PATJ: variants seen among roughly 807,000 people sequenced by gnomAD.
PATJ encodes the protein inaD-like protein.
PATJ carries 190 observed loss-of-function variants against 224.9 expected under a neutral mutation model. The observed-to-expected ratio is 0.84, with a 90% CI of 0.75 to 0.95. PATJ has a LOEUF of 0.95. PATJ is among the 40% of genes least tolerant of loss of function. The pLI is 0.00. For synonymous variants in PATJ, 769 were observed against 820.3 expected (o/e 0.94, Z 1.07); for missense variants, 2,121 against 2,270.3 (o/e 0.93, Z 1.34).
intron 14 of PATJ, among the ~76,000 whole-genome samples, chr1:61,812,876 C>T (rs745743986): frequency 2.0e-5 from 3 of 151,886 alleles, no homozygotes; most frequent in Non-Finnish European, 2.9e-5. Context: ...CACAGCCTCC[C>T]GGGTAATCCA....
At chr1:61,781,007 A>T (rs542372452) in intron 7 of PATJ, among the ~76,000 whole-genome samples, 22 of 152,278 alleles carry the variant, frequency 1.4e-4, no homozygotes, top group African/African-American at 4.8e-4. Flanking sequence ...CTTAATGTAC[A>T]TTATTCTCAT....
At chr1:62,034,391 C>T (rs925510195) in intron 29 of PATJ, among the ~76,000 whole-genome samples, 1 of 145,646 alleles carries the variant, frequency 6.9e-6, no homozygotes, top group Non-Finnish European at 1.5e-5. Context: ...TGCAGTGAGC[C>T]GAGATCGCGC....
chr1:62,132,439 A>C (rs1294929148), intron 41 of PATJ, among the ~76,000 whole-genome samples: 1 of 152,108 alleles, frequency 6.6e-6, no homozygotes, highest in Non-Finnish European at 1.5e-5. Flanking sequence ...CAGAGGTTGT[A>C]GTGAGCCAAG....
chr1:61,908,885 G>A (rs545685126), intron 25 of PATJ, among the ~76,000 whole-genome samples: 1 of 152,310 alleles, frequency 6.6e-6, no homozygotes, highest in African/African-American at 2.4e-5. Context: ...ATTAAAGGAT[G>A]TAAAAATAAA....
At chr1:61,902,328 C>T (rs1671299257) in intron 24 of PATJ, among the ~76,000 whole-genome samples, 1 of 151,396 alleles carries the variant, frequency 6.6e-6, no homozygotes, top group Non-Finnish European at 1.5e-5. Context: ...TGGTGGGTAT[C>T]TGTAATCCCA....
intron 28 of PATJ, among the ~76,000 whole-genome samples, chr1:61,994,193 G>A (rs1220524880): frequency 6.6e-6 from 1 of 152,188 alleles, no homozygotes; most frequent in African/African-American, 2.4e-5. Context: ...ATCTTACTGT[G>A]CATCTGTCAT....
At chr1:61,925,555 T>C (rs1675066200) in intron 26 of PATJ, among the ~76,000 whole-genome samples, 1 of 152,202 alleles carries the variant, frequency 6.6e-6, no homozygotes, top group Non-Finnish European at 1.5e-5. Flanking sequence ...TGGAATTAAC[T>C]GTGGGTGCCA....
intron 27 of PATJ, among the ~76,000 whole-genome samples, chr1:61,940,620 G>A (rs199639048): frequency 6.6e-6 from 1 of 151,814 alleles, no homozygotes; most frequent in African/African-American, 2.4e-5. Context: ...GGAGGCTGAG[G>A]CTGGAGGATC....
At chr1:62,019,506 G>A (rs530086171) in intron 29 of PATJ, among the ~76,000 whole-genome samples, 355 of 151,706 alleles carry the variant, frequency 2.3e-3, no homozygotes, top group Middle Eastern at 0.01. Flanking sequence ...TTGACAAAGC[G>A]AGTCTCTGTC....
chr1:61,753,669 C>G lies in PATJ; in HGVS notation c.-35-9189C>G, dbSNP rs561131713. Among the ~76,000 whole-genome samples the G allele has an allele frequency of 2.0e-5, 3 of 151,996 alleles. No individual in the cohort carries two copies. The South Asian group carries it at 6.2e-4, about 32-fold the overall frequency. Reference sequence around the variant, plus strand: ...GGATTACAGGTGTGCATCACCACGTCAAGCTGATTTTTGTATTTTTAGTAG... The same window carrying G: ...GGATTACAGGTGTGCATCACCACGTGAAGCTGATTTTTGTATTTTTAGTAG... On this transcript the variant is annotated intron_variant, in intron 1 of 43. Coordinates refer to ENST00000642238, the MANE Select transcript of PATJ (RefSeq NM_001350145.3).
intron 7 of PATJ, among the ~76,000 whole-genome samples, chr1:61,781,955 G>A (rs1647437857): frequency 6.6e-6 from 1 of 152,222 alleles, no homozygotes; most frequent in South Asian, 2.1e-4. Context: ...CCACACATCT[G>A]AAATGTCTGC....
chr1:61,836,549 T>G (rs1660207905), intron 17 of PATJ, among the ~76,000 whole-genome samples: 1 of 152,238 alleles, frequency 6.6e-6, no homozygotes, highest in African/African-American at 2.4e-5. Context: ...TAAGTCAGTC[T>G]TAAGTGTACT....
chr1:61,767,852 T>C (rs1421108308), intron 4 of PATJ, among the ~76,000 whole-genome samples: 1 of 151,742 alleles, frequency 6.6e-6, no homozygotes, highest in Non-Finnish European at 1.5e-5. Context: ...AATTTTTGTA[T>C]TTTTAGTAGA....
chr1:62,128,047 G>A lies in PATJ; in HGVS notation c.5119G>A (p.Ala1707Thr), dbSNP rs749949716. 3 of 1,614,174 alleles carry A rather than the reference G, an allele frequency of 1.9e-6. No homozygotes were observed. The Admixed American group carries it at 5.0e-5, about 27-fold the overall frequency. The change falls in exon 40 of 44, where the codon GCC (alanine) becomes ACC (threonine). Residue 1707 changes from alanine to threonine, a missense_variant. Ala to Thr is a moderately conservative substitution (Grantham distance 58). Transcript: ENST00000642238. ...SPLGDIPVFI[A>T]MIQASGVAAR... ...CTTAGGAGATATCCCCGTATTTATT[G>A]CCATGATTCAGGCTAGCGGAGTGGC...
chr1:61,933,535 A>G (rs1571360299), intron 27 of PATJ, among the ~76,000 whole-genome samples: 1 of 145,578 alleles, frequency 6.9e-6, no homozygotes, highest in Non-Finnish European at 1.5e-5. Flanking sequence ...GTGAGACTCC[A>G]TCTCAAAAAA....
chr1:61,768,501 A>T (rs1256161182), intron 4 of PATJ, among the ~76,000 whole-genome samples: 1 of 152,010 alleles, frequency 6.6e-6, no homozygotes, highest in East Asian at 1.9e-4. Context: ...ATAAATAGAT[A>T]TCAATTAATC....
In PATJ at chr1:62,019,760, TA is replaced by T. The variant is rs148927201; in HGVS notation, c.3959+1824del. On this transcript the variant is annotated intron_variant, in intron 29 of 43. Coordinates refer to ENST00000642238, the MANE Select transcript of PATJ (RefSeq NM_001350145.3). ...GGTTATAAAATTAGAGTTAGTTGAT[TA>T]AAAAAAAAAACTTGAGTAGACTTTG... is the stretch of plus-strand genomic sequence containing the variant. Among the ~76,000 whole-genome samples, 327 of 146,374 alleles carry T rather than the reference TA, an allele frequency of 2.2e-3. 2 individuals are homozygous for T. Among genetic ancestry groups the T allele is most frequent in the African/African-American group, 7.5e-3 (301 of 40,086 alleles).
chr1:61,923,190 T>G (rs1034315475), intron 26 of PATJ, among the ~76,000 whole-genome samples: 6 of 152,178 alleles, frequency 3.9e-5, no homozygotes, highest in African/African-American at 4.8e-5. Flanking sequence ...AGAAATCATA[T>G]CAGAATCTAC....
intron 6 of PATJ, among the ~76,000 whole-genome samples, chr1:61,773,605 G>T (rs1040438839): frequency 6.6e-6 from 1 of 151,540 alleles, no homozygotes; most frequent in African/African-American, 2.4e-5. Flanking sequence ...TGGTCAACAT[G>T]GTGAAACCCT....
Sources: allele counts gnomAD v4.1 joint callset (sites outside exome capture counted in the v4.1 genomes callset), GRCh38; gene constraint gnomAD v4.1.1; transcripts MANE v1.5; gene names NCBI Gene and HGNC (gene_info 2026-07-23, HGNC 2026-07-21).